The following ZNF827 variants were observed in gnomAD, a reference collection of about 807,000 sequenced individuals.
ZNF827 encodes zinc finger protein 827.
ZNF827 carries 13 observed loss-of-function variants against 102.4 expected under a neutral mutation model. The observed-to-expected ratio is 0.13, with a 90% confidence interval of 0.08 to 0.20. The LOEUF (loss-of-function observed/expected upper bound fraction) is 0.20, where lower values mean the gene tolerates loss of function less well. ZNF827 is among the 10% of genes least tolerant of loss of function. The pLI, the probability that ZNF827 is intolerant of heterozygous loss-of-function variation, is 1.00. For synonymous variants in ZNF827, 523 were observed against 536.2 expected (o/e 0.98, Z 0.34); for missense variants, 1,103 against 1,344.4 (o/e 0.82, Z 2.81).
intron 4 of ZNF827, chr4:145,876,379 GCCAGCTA>G (rs1749154872): frequency 6.6e-6 from 1 of 152,186 alleles, no homozygotes; most frequent in Non-Finnish European, 1.5e-5. Context: ...TCTAGACATT[GCCAGCTA>G]TCCCCTGGGC....
chr4:145,911,154 G>A (rs1752261179), intron 1 of ZNF827, among the ~76,000 whole-genome samples: 1 of 152,148 alleles, frequency 6.6e-6, no homozygotes, highest in East Asian at 1.9e-4. Context: ...AGCCTGTTTT[G>A]CAAACTTTTC....
chr4:145,921,470 CAAAAAAAAAAAA>C (rs35423633), intron 1 of ZNF827, among the ~76,000 whole-genome samples: 2 of 54,122 alleles, frequency 3.7e-5, no homozygotes, highest in Non-Finnish European at 6.6e-5. Context: ...GAGACTCAGG[CAAAAAAAAAAAA>C]AAAAAAAAAA....
chr4:145,799,521 G>T (rs1045573546), intron 8 of ZNF827, among the ~76,000 whole-genome samples: 2 of 152,164 alleles, frequency 1.3e-5, no homozygotes, highest in Non-Finnish European at 2.9e-5. Context: ...AAGGCCATTT[G>T]GAATTATTAA....
chr4:145,861,536 C>T (rs1435384273), intron 5 of ZNF827, among the ~76,000 whole-genome samples: 2 of 152,144 alleles, frequency 1.3e-5, no homozygotes, highest in Non-Finnish European at 2.9e-5. Flanking sequence ...TCCGTTTGTG[C>T]CCCAAGTATG....
intron 8 of ZNF827, among the ~76,000 whole-genome samples, chr4:145,785,042 G>T (rs1738646088): frequency 6.6e-6 from 1 of 152,076 alleles, no homozygotes. Context: ...TGTCATTTGG[G>T]CTTTTCCTCT....
intron 6 of ZNF827, among the ~76,000 whole-genome samples, chr4:145,847,197 A>C (rs2126645035): frequency 6.6e-6 from 1 of 152,224 alleles, no homozygotes; most frequent in East Asian, 1.9e-4. Flanking sequence ...AATCAAAGGG[A>C]AACAGTAACA....
intron 8 of ZNF827, among the ~76,000 whole-genome samples, chr4:145,781,358 G>A (rs1738031216): frequency 6.6e-6 from 1 of 152,010 alleles, no homozygotes; most frequent in African/African-American, 2.4e-5. Context: ...CTAAATCAAT[G>A]GGATCAATTT....
intron 6 of ZNF827, among the ~76,000 whole-genome samples, chr4:145,847,687 C>T (rs148610268): frequency 7.4e-4 from 112 of 152,296 alleles, no homozygotes; most frequent in African/African-American, 2.5e-3. Context: ...CCTACACTGA[C>T]GGTCACAGCT....
intron 8 of ZNF827, among the ~76,000 whole-genome samples, chr4:145,792,685 C>T (rs150643255): frequency 4.1e-4 from 63 of 152,146 alleles, no homozygotes; most frequent in African/African-American, 1.4e-3. Context: ...TGAGCCACTG[C>T]GCCTGGCTTG....
intron 1 of ZNF827, among the ~76,000 whole-genome samples, chr4:145,920,849 T>C (rs1448501905): frequency 6.6e-6 from 1 of 152,252 alleles, no homozygotes; most frequent in Non-Finnish European, 1.5e-5. Flanking sequence ...TCTCCCTTCA[T>C]TCATTTATTC....
At chr4:145,926,576 C>T (rs181526515) in intron 1 of ZNF827, among the ~76,000 whole-genome samples, 10 of 152,130 alleles carry the variant, frequency 6.6e-5, no homozygotes, top group African/African-American at 2.4e-4. Flanking sequence ...AAATAAAGGC[C>T]AAGTTTTAAA....
chr4:145,819,218 C>T (rs1032633206), intron 8 of ZNF827, among the ~76,000 whole-genome samples: 3 of 152,012 alleles, frequency 2.0e-5, no homozygotes, highest in Non-Finnish European at 2.9e-5. Flanking sequence ...AAATAACACA[C>T]GGAAGCATCG....
chr4:145,765,165 C>A lies in ZNF827; in HGVS notation c.3053G>T (p.Gly1018Val). 3 of 1,600,986 alleles carry A rather than the reference C, an allele frequency of 1.9e-6. No homozygotes were observed. Among genetic ancestry groups the A allele is most frequent in the Non-Finnish European group, 2.6e-6 (3 of 1,173,364 alleles). ...SLNSEEKPEK[G>V]FECVFCNFVC... ...AAAGTTGCAAAAAACACATTCGAAC[C>A]CTGCAAGGACCGAAGCTGGGTATAG... The change falls in exon 13 of 15, where the codon GGG becomes GTG. Residue 1018 changes from glycine (G) to valine (V), a missense_variant and splice_region_variant. By Grantham distance (109) the Gly-to-Val change is moderately radical. Transcript: ENST00000508784. The surrounding 1 kb of genome is among the most constrained non-coding windows in gnomAD (Gnocchi z 4.7).
rs778950879 is a variant in ZNF827, at chr4:145,902,338, T to A, written c.921A>T (p.Ser307=). The change falls in exon 2 of 15, where the codon TCA becomes TCT. Residue 307 remains serine (S), a synonymous_variant. Coordinates refer to ENST00000508784, the MANE Select transcript of ZNF827 (RefSeq NM_001306215.2). The surrounding 1 kb of genome is among the most constrained non-coding windows in gnomAD (Gnocchi z 4.3). ...GTAGAGGGTCCTCAGGCAGCAGCGA[T>A]GATTTCTCAGCCAGAAGACTGCCCG... ...RAAGSLLAEK[S]SLLPEDPLPP... 9.3e-6 allele frequency: 15 copies of A among 1,605,744 alleles called. No homozygotes were observed. The highest frequency in any genetic ancestry group is 4.0e-5 in the African/African-American group (3 of 74,460).
At position 145,938,622 on chromosome 4, in the gene ZNF827, CTTTT is replaced by C; in HGVS notation, c.-219_-216del. 7 of 421,002 alleles carry C rather than the reference CTTTT, an allele frequency of 1.7e-5. No homozygotes were observed. The highest frequency in any genetic ancestry group is 3.8e-5 in the East Asian group (1 of 26,428). The allele number at this position is 421,002 out of a possible 1,614,324, so 26.1% of individuals were successfully genotyped here. A position where few individuals can be genotyped will look rare whatever the true frequency, so the allele number is the denominator to read the frequency against. On this transcript the variant is annotated 5_prime_UTR_variant, in exon 1 of 15. Transcript: ENST00000508784. ...CTTCTTTTCTTTCCTTTCTTTTTTCCTTTTTTTTTTTTTTTTAAATTTTTGGTCG... is the reference window on the plus strand; with the variant it reads ...CTTCTTTTCTTTCCTTTCTTTTTTCCTTTTTTTTTTTTAAATTTTTGGTCG...
At chr4:145,824,535 A>G (rs1030307107) in intron 7 of ZNF827, among the ~76,000 whole-genome samples, 6 of 152,184 alleles carry the variant, frequency 3.9e-5, no homozygotes, top group Non-Finnish European at 8.8e-5. Context: ...CAAAAGGAGG[A>G]GATAAATGGA....
In ZNF827 at chr4:145,761,116, A is replaced by G. The variant is rs1734420807; in HGVS notation, c.*500T>C. The G allele has an allele frequency of 7.8e-7, 1 of 1,289,456 alleles. No individual in the cohort carries two copies. 79.9% of individuals were successfully genotyped at this position (1,289,456 alleles called of 1,614,324 possible). ...GAGATTCCGGGAGCTCCCGACCACC[A>G]GGAGCGGGGCCCCCGGGCCGGCCGG... On this transcript the variant is annotated 3_prime_UTR_variant, in exon 15 of 15. Coordinates refer to ENST00000508784, the MANE Select transcript of ZNF827 (RefSeq NM_001306215.2). The surrounding 1 kb of genome is among the most constrained non-coding windows in gnomAD (Gnocchi z 6.8).
At chr4:145,815,550 C>T (rs755004197) in intron 8 of ZNF827, among the ~76,000 whole-genome samples, 10 of 152,052 alleles carry the variant, frequency 6.6e-5, no homozygotes, top group Non-Finnish European at 1.5e-4. Flanking sequence ...AATAGATGGT[C>T]TAGTTTATGA....
At chr4:145,859,799 A>G (rs10519748) in intron 5 of ZNF827, among the ~76,000 whole-genome samples, 45,894 of 151,938 alleles carry the variant, frequency 0.3, 7,252 homozygotes, top group Non-Finnish European at 0.34. Flanking sequence ...GTCACTGAAC[A>G]CTCACAGTTA....
Sources: gnomAD v4.1 joint callset for allele counts (sites outside exome capture counted in the v4.1 genomes callset) on GRCh38, gnomAD v4.1.1 for gene constraint, Gnocchi (gnomAD v3.1) non-coding constraint, MANE v1.5 for transcripts, NCBI Gene and HGNC (gene_info 2026-07-23, HGNC 2026-07-21) for gene names.